Variants in FLII observed in about 807,000 individuals in gnomAD.
FLII encodes the protein FLII actin remodeling protein.
FLII carries 101 observed loss-of-function variants against 156.2 expected under a neutral mutation model. The observed-to-expected ratio is 0.65, with a 90% CI of 0.55 to 0.76. The LOEUF (loss-of-function observed/expected upper bound fraction) is 0.76. Ranked by LOEUF, FLII falls within the 30% of genes least tolerant of loss-of-function variation. The pLI is 0.00. For synonymous variants in FLII, 767 were observed against 685.8 expected, an observed-to-expected ratio of 1.12 and a Z score of -1.85; for missense variants, 1,675 against 1,682.8, an observed-to-expected ratio of 1.00 and a Z score of 0.08.
chr17:18,248,969 T>G (rs1314502698), intron 16 of FLII, 86 bp from the exon 17 acceptor site: 2 of 1,435,164 alleles, frequency 1.4e-6, no homozygotes, highest in African/African-American at 2.8e-5. Flanking sequence ...AAAAAATCCC[T>G]CACTATGGGG....
intron 22 of FLII, 32 bp from the exon 23 acceptor site, chr17:18,246,860 C>A (rs2142792887): frequency 1.9e-6 from 3 of 1,613,970 alleles, no homozygotes; most frequent in Middle Eastern, 3.3e-4. Context: ...AGCAGGGGCT[C>A]GAGCCCCCAG....
rs766206930 is a variant in FLII at position 18,257,147 on chromosome 17, C to T, written c.64-128G>A. 16 of 586,062 alleles carry T rather than the reference C, an allele frequency of 2.7e-5. No homozygotes were observed. The East Asian group carries it at 4.3e-4, about 16-fold the overall frequency. The allele number at this position is 586,062 out of a possible 1,614,324, so 36.3% of individuals were successfully genotyped here. On this transcript the variant is annotated intron_variant, in intron 1 of 29. Transcript: ENST00000327031. ...ACCATCTGTGAGAACACAGACAAGT[C>T]ATTTCATCATTGTGCCTCAATTTCT...
chr17:18,255,280 AG>A lies in FLII; in HGVS notation c.247-18del. 1 of 1,605,078 alleles carries A rather than the reference AG, an allele frequency of 6.2e-7. No homozygotes were observed. The highest frequency in any genetic ancestry group is 8.5e-7 in the Non-Finnish European group (1 of 1,172,380). On this transcript the variant is annotated intron_variant, in intron 3 of 29. Transcript: ENST00000327031. ...CACGATGGCCTGGGAATAAACCATA[AG>A]AGTCTATAATTCCTGGCTTCCACTC...
Position 18,249,341 on chromosome 17 carries a change from G to C in FLII, c.1844C>G (p.Thr615Arg). 6.2e-7 allele frequency: 1 copy of C among 1,614,072 alleles called. No homozygotes were observed. Among genetic ancestry groups the C allele is most frequent in the Non-Finnish European group, 8.5e-7 (1 of 1,179,970 alleles). The change falls in exon 15 of 30, where the codon ACA becomes AGA. Residue 615 changes from threonine (T) to arginine (R), a missense_variant. Around this residue, in one of 2 missense-constraint regions of FLII, gnomAD observed 1,332 missense variants for 1,269.3 expected, o/e 1.05. Coordinates refer to ENST00000327031, the MANE Select transcript of FLII (RefSeq NM_002018.4). Reference sequence around the variant, plus strand: ...ACACCCTCACCTGGTGACATAGTGTGTGTCTTCCACAGTGTAGAAGCCACT... The same window carrying C: ...ACACCCTCACCTGGTGACATAGTGTCTGTCTTCCACAGTGTAGAAGCCACT... ...TASGFYTVED[T>R]HYVTRMYRVY... is the part of the protein sequence containing the mutation.
intron 21 of FLII, 25 bp from the exon 22 acceptor site, chr17:18,247,077 G>A (rs2048090236): frequency 1.9e-6 from 3 of 1,605,460 alleles, no homozygotes; most frequent in Middle Eastern, 1.7e-4. Context: ...GACCCGCCCC[G>A]CGGCAGGTCT....
At position 18,245,673 on chromosome 17, in the gene FLII, G is replaced by A. The variant is rs762497980; in HGVS notation, c.3504-13C>T. The A allele has an allele frequency of 1.1e-5, 17 of 1,612,998 alleles. No homozygotes were observed. The East Asian group carries it at 3.1e-4, about 30-fold the overall frequency. ...CTCGTTGGAGCACCTGGGAATCAAGGGTCAAGGTGAGGCCAGAGGTCATAA... is the reference window on the plus strand; with the variant it reads ...CTCGTTGGAGCACCTGGGAATCAAGAGTCAAGGTGAGGCCAGAGGTCATAA... On this transcript the variant is annotated splice_polypyrimidine_tract_variant and intron_variant, in intron 27 of 29. Transcript: ENST00000327031.
At position 18,246,758 on chromosome 17, in the gene FLII, C is replaced by A; in HGVS notation, c.2887G>T (p.Glu963Ter). Reference protein sequence around the residue: ...EDKEEKAEGKEGEEATAEAEE... With the variant: ...EDKEEKAEGK ...GCCTCAGCGGTTGCTTCCTCGCCTT[C>A]TTTGCCCTCGGCCTTCTCCTCCTTG... is the stretch of plus-strand genomic sequence containing the variant. Residue 963 changes from glutamate to a stop codon, truncating the protein, a stop_gained, in exon 23 of 30, where the codon GAA (glutamate) becomes TAA (stop). Transcript: ENST00000327031. LOFTEE classifies it high-confidence loss of function. 6.2e-7 allele frequency: 1 copy of A among 1,613,978 alleles called. No individual in the cohort carries two copies. Among genetic ancestry groups the A allele is most frequent in the Non-Finnish European group, 8.5e-7 (1 of 1,179,916 alleles).
chr17:18,245,350 T>G lies in FLII; in HGVS notation c.3675+4A>C. 1.2e-6 allele frequency: 2 copies of G among 1,614,184 alleles called. No homozygotes were observed. Among genetic ancestry groups the G allele is most frequent in the Non-Finnish European group, 1.7e-6 (2 of 1,180,010 alleles). On this transcript the variant is annotated splice_donor_region_variant and intron_variant, in intron 29 of 29. Transcript: ENST00000327031. ...CACCTCGGCCCTCCCTCCACCCAGA[T>G]TACCTGGCAGGCCTTCAGGCTCAGC...
intron 14 of FLII, among the ~76,000 whole-genome samples, chr17:18,250,546 C>T (rs1424737464): frequency 6.6e-6 from 1 of 152,192 alleles, no homozygotes; most frequent in African/African-American, 2.4e-5. Flanking sequence ...TCTCAGCTCC[C>T]CTGTGTCAGC....
chr17:18,247,831 G>C lies in FLII; in HGVS notation c.2313C>G (p.Asp771Glu), dbSNP rs201003567. 24 of 1,613,792 alleles carry C rather than the reference G, an allele frequency of 1.5e-5. No individual in the cohort carries two copies. In the East Asian group the frequency reaches 5.3e-4, roughly 36 times the overall value. ...PRMRLLQSLL[D>E]TRCVYILDCW... ...AGTCCAGAATGTACACGCAGCGCGT[G>C]TCCAGCAGACTCTGCAGCTGCGGAC... is the stretch of plus-strand genomic sequence containing the variant. Residue 771 changes from aspartate to glutamate, a missense_variant, in exon 20 of 30, where the codon GAC (aspartate) becomes GAG (glutamate). Coordinates refer to ENST00000327031, the MANE Select transcript of FLII (RefSeq NM_002018.4).
In FLII at chr17:18,251,720, C is replaced by G. The variant is rs2048274358; in HGVS notation, c.1343G>C (p.Gly448Ala). ...CTTCTCCTGGGCAACATCTGACATG[C>G]CCTTCAGCACCTGCTTGGCCTGGTC... ...QDDQAKQVLK[G>A]MSDVAQEKNK... Residue 448 changes from glycine (G) to alanine (A), a missense_variant, in exon 12 of 30, where the codon GGC becomes GCC. This residue lies in a region of FLII where 1,332 missense variants were observed against 1,269.3 expected (regional missense o/e 1.05). Transcript: ENST00000327031. 6.2e-7 allele frequency: 1 copy of G among 1,613,950 alleles called. No individual in the cohort carries two copies. Among genetic ancestry groups the G allele is most frequent in the South Asian group, 1.1e-5 (1 of 91,096 alleles).
intron 10 of FLII, 127 bp downstream of exon 10, chr17:18,252,345 C>T (rs1369927052): frequency 2.1e-6 from 2 of 960,422 alleles, no homozygotes; most frequent in Non-Finnish European, 3.2e-6. Flanking sequence ...AGGTGGGGCC[C>T]ACCTTCTCCC....
At chr17:18,248,413 C>A in intron 18 of FLII, 137 bp downstream of exon 18, 1 of 751,836 alleles carries the variant, frequency 1.3e-6, no homozygotes, top group Non-Finnish European at 2.1e-6. Flanking sequence ...TCATACTGTT[C>A]CTTGTCCAGA....
Position 18,254,583 on chromosome 17 carries a change from G to C in FLII, c.513C>G (p.Arg171=). The stretch of plus-strand genomic sequence containing the variant: ...CGAGCGTCTGCAGGTGCACCAGGCG[G>C]CGCATCTGCGGGGGCAGGCTCTCCA... ...NRLESLPPQM[R]RLVHLQTLVL... The change falls in exon 6 of 30, where the codon CGC becomes CGG. Residue 171 remains arginine (R), a synonymous_variant. Transcript: ENST00000327031. 1.2e-6 allele frequency: 2 copies of C among 1,613,838 alleles called. No individual in the cohort carries two copies. The highest frequency in any genetic ancestry group is 1.7e-6 in the Non-Finnish European group (2 of 1,179,944).
Position 18,258,562 on chromosome 17 carries a change from G to A in FLII, c.63+66C>T, listed in dbSNP as rs1327355022. 2 of 1,522,512 alleles carry A rather than the reference G, an allele frequency of 1.3e-6. No individual in the cohort carries two copies. The highest frequency in any genetic ancestry group is 1.8e-6 in the Non-Finnish European group (2 of 1,142,292). 94.3% of individuals were successfully genotyped at this position (1,522,512 alleles called of 1,614,324 possible). On this transcript the variant is annotated intron_variant, in intron 1 of 29. Coordinates refer to ENST00000327031, the MANE Select transcript of FLII (RefSeq NM_002018.4). The surrounding 1 kb of genome is among the most constrained non-coding windows in gnomAD (Gnocchi z 4.2). ...GGAGCCGAGCGGGACAGGAAGCGGA[G>A]GCCAAGCGGGCCGGGCGGAAGAGAA... is the stretch of plus-strand genomic sequence containing the variant.
At position 18,246,924 on chromosome 17, in the gene FLII, G is replaced by A; in HGVS notation, c.2805C>T (p.Val935=). The A allele has an allele frequency of 6.2e-7, 1 of 1,614,208 alleles. No individual in the cohort carries two copies. Among genetic ancestry groups the A allele is most frequent in the East Asian group, 2.2e-5 (1 of 44,880 alleles). The change falls in exon 22 of 30, where the codon GTC becomes GTT. Residue 935 remains valine, a synonymous_variant. Coordinates refer to ENST00000327031, the MANE Select transcript of FLII (RefSeq NM_002018.4). ...FGHFYTQDCY[V]FLCRYWVPVE... ...TGCTGAGGTGGTACCTGCAGAGGAA[G>A]ACGTAGCAGTCCTGCGTGTAGAAGT...
chr17:18,248,814 G>A lies in FLII; in HGVS notation c.2004C>T (p.Ser668=), dbSNP rs1327189712. The A allele has an allele frequency of 1.2e-6, 2 of 1,613,924 alleles. No individual in the cohort carries two copies. Among genetic ancestry groups the A allele is most frequent in the Non-Finnish European group, 8.5e-7 (1 of 1,179,928 alleles). The change falls in exon 17 of 30, where the codon AGC becomes AGT. Residue 668 remains serine (S), a synonymous_variant. Coordinates refer to ENST00000327031, the MANE Select transcript of FLII (RefSeq NM_002018.4). ...TGTCCTTGTACCTGGCCTTGGTGGT[G>A]CTGCTCAGTGTGGCCTGGGCCCCCC... The part of the protein sequence containing the change: ...VWRGAQATLS[S]TTKARLFAEK...
At position 18,252,564 on chromosome 17, in the gene FLII, G is replaced by T; in HGVS notation, c.1014-8C>A. On this transcript the variant is annotated splice_region_variant and splice_polypyrimidine_tract_variant and intron_variant, in intron 9 of 29. Transcript: ENST00000327031. ...TTCCTCAGCTTTGGGCACCTGTGAA[G>T]ACAGGGCCAGCCAGGGCCTCAGGCA... is the stretch of plus-strand genomic sequence containing the variant. The T allele has an allele frequency of 6.2e-7, 1 of 1,612,514 alleles. No homozygotes were observed. Among genetic ancestry groups the T allele is most frequent in the Non-Finnish European group, 8.5e-7 (1 of 1,179,094 alleles).
At position 18,254,610 on chromosome 17, in the gene FLII, G is replaced by A; in HGVS notation, c.486C>T (p.Arg162=). Residue 162 remains arginine (R), a synonymous_variant, in exon 6 of 30, where the codon CGC becomes CGT. Coordinates refer to ENST00000327031, the MANE Select transcript of FLII (RefSeq NM_002018.4). ...GCATCTGCGGGGGCAGGCTCTCCAG[G>A]CGGTTCTCGCTGAGGTCCAGGTATA... is the stretch of plus-strand genomic sequence containing the variant. ...DLLYLDLSEN[R]LESLPPQMRR... 3.1e-6 allele frequency: 5 copies of A among 1,613,972 alleles called. No individual in the cohort carries two copies. The highest frequency in any genetic ancestry group is 4.2e-6 in the Non-Finnish European group (5 of 1,179,962).
Sources: gnomAD v4.1 joint callset for allele counts (sites outside exome capture counted in the v4.1 genomes callset) on GRCh38, gnomAD v4.1.1 for gene constraint, gnomAD v4.1.1 regional missense constraint, Gnocchi (gnomAD v3.1) non-coding constraint, MANE v1.5 for transcripts, NCBI Gene and HGNC (gene_info 2026-07-23, HGNC 2026-07-21) for gene names.